ZFAND2A: variants seen among roughly 807,000 people sequenced by gnomAD.
ZFAND2A encodes zinc finger AN1-type containing 2A.
In ZFAND2A, 20 loss-of-function variants were observed where a neutral mutation model predicts 11.6. The observed-to-expected ratio is 1.72, with a 90% CI of 1.21 to 2.50. The LOEUF is 2.50. Among genes scored for constraint, ZFAND2A ranks in the 30% most tolerant of loss-of-function variants. The probability of loss-of-function intolerance (pLI) is 0.00; values close to 1 mark genes in which losing one functional copy is unlikely to be tolerated. For synonymous variants in ZFAND2A, 93 were observed against 60.6 expected (o/e 1.54, Z -2.48); for missense variants, 234 against 182.9 (o/e 1.28, Z -1.61).
downstream of ZFAND2A, among the ~76,000 whole-genome samples, chr7:1,150,245 C>A (rs189546009): frequency 1.4e-3 from 218 of 152,276 alleles, no homozygotes; most frequent in African/African-American, 4.8e-3. Context: ...GTTCCCCTGA[C>A]TGCAGGTCTG....
chr7:1,158,031 G>T, intron 2 of ZFAND2A, 127 bp downstream of exon 2: 1 of 985,072 alleles, frequency 1.0e-6, no homozygotes. Flanking sequence ...AACAGAACCT[G>T]CACCAGCACA....
At chr7:1,159,174 A>G (rs954639306) in intron 1 of ZFAND2A, among the ~76,000 whole-genome samples, 1 of 152,086 alleles carries the variant, frequency 6.6e-6, no homozygotes, top group Non-Finnish European at 1.5e-5. Flanking sequence ...CCAACTACAG[A>G]TCCGCTGCTT....
downstream of ZFAND2A, among the ~76,000 whole-genome samples, chr7:1,150,645 T>C (rs1793381357): frequency 6.6e-6 from 1 of 152,290 alleles, no homozygotes; most frequent in East Asian, 1.9e-4. Context: ...ACTACCCCCC[T>C]TCCCTCCCGT....
chr7:1,158,040 C>G, intron 2 of ZFAND2A, 118 bp downstream of exon 2: 2 of 1,039,106 alleles, frequency 1.9e-6, no homozygotes, highest in South Asian at 1.4e-5. Context: ...TGCACCAGCA[C>G]AGTTCCCAAT....
chr7:1,155,414 C>A, intron 4 of ZFAND2A, 39 bp downstream of exon 4: 1 of 1,596,938 alleles, frequency 6.3e-7, no homozygotes. Context: ...AAAAACCAGG[C>A]TTCCCAGATG....
At chr7:1,159,248 C>A (rs1301237544) in intron 1 of ZFAND2A, among the ~76,000 whole-genome samples, 1 of 152,216 alleles carries the variant, frequency 6.6e-6, no homozygotes, top group Admixed American at 6.5e-5. Context: ...TCAAGGAATT[C>A]ACAAGAGTTT....
downstream of ZFAND2A, among the ~76,000 whole-genome samples, chr7:1,151,539 C>T (rs1793397832): frequency 6.6e-6 from 1 of 152,018 alleles, no homozygotes; most frequent in African/African-American, 2.4e-5. Context: ...CTACGCCCGG[C>T]CTAGTTTGTG....
At chr7:1,151,762 T>TAAAAA (rs530920394), downstream of ZFAND2A, among the ~76,000 whole-genome samples, 6 of 87,158 alleles carry the variant, frequency 6.9e-5, 1 homozygote, top group African/African-American at 2.8e-4. Context: ...TCATCCCTTT[T>TAAAAA]AAAAAAAAAA....
At chr7:1,153,285 T>C in intron 4 of ZFAND2A, 61 bp from the exon 5 acceptor site, 1 of 1,570,594 alleles carries the variant, frequency 6.4e-7, no homozygotes, top group Non-Finnish European at 8.7e-7. Flanking sequence ...TCTCGCTCTG[T>C]TGCCCAGGCT....
chr7:1,157,585 C>A, intron 3 of ZFAND2A, 71 bp downstream of exon 3: 1 of 1,433,222 alleles, frequency 7.0e-7, no homozygotes, highest in South Asian at 1.3e-5. Context: ...TCGCTAGTCC[C>A]TACCATACCA....
At chr7:1,157,111 TCAA>T (rs10601288) in intron 3 of ZFAND2A, 84,995 of 151,806 alleles carry the variant, frequency 0.56, 24,434 homozygotes, top group Non-Finnish European at 0.62. Context: ...ATCTGAAAAG[TCAA>T]CAACAAGTCT....
chr7:1,152,233 C>T (rs754270703), downstream of ZFAND2A: 47 of 1,557,956 alleles, frequency 3.0e-5, no homozygotes, highest in South Asian at 1.3e-4. Context: ...GACGAAATTG[C>T]GTTCACATGA....
chr7:1,152,284 A>G (rs1023059587), downstream of ZFAND2A: 2 of 1,584,888 alleles, frequency 1.3e-6, no homozygotes, highest in African/African-American at 1.3e-5. Context: ...CCAGCCCGCC[A>G]GGAGCCAGGG....
At chr7:1,159,376 T>G (rs1204948702) in intron 1 of ZFAND2A, among the ~76,000 whole-genome samples, 1 of 152,094 alleles carries the variant, frequency 6.6e-6, no homozygotes, top group African/African-American at 2.4e-5. Context: ...TGGCTGTCAC[T>G]CGGCTGGCGG....
intron 4 of ZFAND2A, among the ~76,000 whole-genome samples, chr7:1,155,062 G>A (rs1481454439): frequency 6.6e-6 from 1 of 152,194 alleles, no homozygotes; most frequent in Non-Finnish European, 1.5e-5. Flanking sequence ...AGGTTGCAAT[G>A]AGCCGAGACG....
chr7:1,153,386 G>T, intron 4 of ZFAND2A, 162 bp from the exon 5 acceptor site: 1 of 703,332 alleles, frequency 1.4e-6, no homozygotes, highest in Non-Finnish European at 2.3e-6. Context: ...TGGTACTACA[G>T]GCACACACCG....
intron 2 of ZFAND2A, 120 bp downstream of exon 2, chr7:1,158,038 C>T (rs1793573469): frequency 9.7e-7 from 1 of 1,029,226 alleles, no homozygotes; most frequent in African/African-American, 1.6e-5. Context: ...CCTGCACCAG[C>T]ACAGTTCCCA....
chr7:1,153,287 GC>G, intron 4 of ZFAND2A, 63 bp from the exon 5 acceptor site: 1 of 1,565,034 alleles, frequency 6.4e-7, no homozygotes, highest in Non-Finnish European at 8.7e-7. Flanking sequence ...TCGCTCTGTT[GC>G]CCAGGCTGGA....
At position 1,153,008 on chromosome 7, in the gene ZFAND2A, A is replaced by T; in HGVS notation, c.*61T>A. The T allele has an allele frequency of 1.2e-6, 2 of 1,604,706 alleles. No individual in the cohort carries two copies. Among genetic ancestry groups the T allele is most frequent in the Non-Finnish European group, 1.7e-6 (2 of 1,174,722 alleles). On this transcript the variant is annotated 3_prime_UTR_variant, in exon 5 of 5. Transcript: ENST00000316495. ...TCAATGGGGCTCCACTTCCCACTAG[A>T]GTGTAAGCTGCTTCCACGCATGCTA...
Sources: allele counts gnomAD v4.1 joint callset (sites outside exome capture counted in the v4.1 genomes callset), GRCh38; gene constraint gnomAD v4.1.1; transcripts MANE v1.5; gene names NCBI Gene and HGNC (gene_info 2026-07-23, HGNC 2026-07-21).